The following OSBPL3 variants were observed in gnomAD, a reference collection of about 807,000 sequenced individuals.
The protein encoded by OSBPL3 is oxysterol-binding protein-related protein 3.
In OSBPL3, 65 loss-of-function variants were observed where a neutral mutation model predicts 120.1. That is an observed-to-expected ratio of 0.54 (90% CI 0.44 to 0.67). The LOEUF (loss-of-function observed/expected upper bound fraction) is 0.67. Ranked by LOEUF, OSBPL3 falls within the 30% of genes least tolerant of loss-of-function variation. OSBPL3 has a pLI of 0.00. For synonymous variants in OSBPL3, 416 were observed against 402.6 expected, an observed-to-expected ratio of 1.03 and a Z score of -0.40; for missense variants, 1,004 against 1,082.1, an observed-to-expected ratio of 0.93 and a Z score of 1.01.
chr7:24,849,126 G>C lies in OSBPL3; in HGVS notation c.1209C>G (p.Ala403=). 6.2e-7 allele frequency: 1 copy of C among 1,613,980 alleles called. No individual in the cohort carries two copies. The highest frequency in any genetic ancestry group is 8.5e-7 in the Non-Finnish European group (1 of 1,179,916). The stretch of plus-strand genomic sequence containing the variant: ...CGGGGGAGTCGAGGAGCAGAGACTC[G>C]GCATGGATTCTGCGTAAGCGTTCTT... ...DLKERLRRIH[A]ESLLLDSPAV... is the part of the protein sequence containing the mutation. Residue 403 remains alanine (A), a synonymous_variant, in exon 12 of 23, where the codon GCC becomes GCG. Transcript: ENST00000313367. The surrounding 1 kb of genome is among the most constrained non-coding windows in gnomAD (Gnocchi z 5.4).
intron 12 of OSBPL3, among the ~76,000 whole-genome samples, chr7:24,843,077 C>T (rs1273770783): frequency 1.3e-5 from 2 of 152,134 alleles, no homozygotes; most frequent in Non-Finnish European, 2.9e-5. Context: ...TTTCTTATCT[C>T]GCATGACCCT....
rs1321563669 is a variant in OSBPL3, at chr7:24,871,803, G to A, written c.214-8C>T. 1.9e-6 allele frequency: 3 copies of A among 1,607,266 alleles called. No homozygotes were observed. Among genetic ancestry groups the A allele is most frequent in the Non-Finnish European group, 8.5e-7 (1 of 1,174,104 alleles). ...GTCCAGATAGAAGAATCTCTGTGGG[G>A]AAGAAAGTATTATTAATTAAGGCAT... On this transcript the variant is annotated splice_region_variant and splice_polypyrimidine_tract_variant and intron_variant, in intron 3 of 22. Transcript: ENST00000313367. The surrounding 1 kb of genome is among the most constrained non-coding windows in gnomAD (Gnocchi z 4.8).
chr7:24,845,198 C>A (rs546123375), intron 12 of OSBPL3, among the ~76,000 whole-genome samples: 31 of 151,250 alleles, frequency 2.0e-4, no homozygotes, highest in African/African-American at 7.3e-4. Context: ...TACTGCATAC[C>A]ATAATTTAGA....
chr7:24,796,979 T>C lies in OSBPL3; in HGVS notation c.*3204A>G, dbSNP rs1791785089. The C allele has an allele frequency of 4.6e-5, 7 of 152,260 alleles. No individual in the cohort carries two copies. The highest frequency in any genetic ancestry group is 4.6e-4 in the Admixed American group (7 of 15,286). The allele number at this position is 152,260 out of a possible 1,614,324, so 9.4% of individuals were successfully genotyped here. A position where few individuals can be genotyped will look rare whatever the true frequency, so the allele number is the denominator to read the frequency against. ...AAAATAAAGACATTCAAACAAATTA[T>C]GCCAATACATTGGAACTATTATTCC... On this transcript the variant is annotated 3_prime_UTR_variant, in exon 23 of 23. Transcript: ENST00000313367. This position sits in a 1 kb window ranked among gnomAD's most constrained non-coding sequence, Gnocchi z 5.2.
intron 1 of OSBPL3, among the ~76,000 whole-genome samples, chr7:24,977,773 A>G (rs543478609): frequency 7.2e-5 from 11 of 152,268 alleles, no homozygotes; most frequent in African/African-American, 1.9e-4. Context: ...GGAGAATGGC[A>G]TGAACCCGGG....
chr7:24,894,000 A>ATC (rs1805753251), intron 1 of OSBPL3, among the ~76,000 whole-genome samples: 1 of 152,160 alleles, frequency 6.6e-6, no homozygotes, highest in South Asian at 2.1e-4. Context: ...ATATATATAT[A>ATC]TCTCCAACCC....
chr7:24,921,404 GA>G (rs1313818495), intron 1 of OSBPL3, among the ~76,000 whole-genome samples: 1 of 152,184 alleles, frequency 6.6e-6, no homozygotes, highest in Non-Finnish European at 1.5e-5. Flanking sequence ...CCCAACTTTT[GA>G]GGCTGAGTTC....
At chr7:24,880,616 T>C (rs2128308035) in intron 2 of OSBPL3, among the ~76,000 whole-genome samples, 1 of 152,334 alleles carries the variant, frequency 6.6e-6, no homozygotes, top group East Asian at 1.9e-4. Context: ...ATGGAATATT[T>C]AAGTCTCAGA....
chr7:24,819,293 A>C lies in OSBPL3; in HGVS notation c.1948+882T>G, dbSNP rs1794834904. 6.6e-6 allele frequency among the ~76,000 whole-genome samples: 1 copy of C among 152,122 alleles called. No individual in the cohort carries two copies. The highest frequency in any genetic ancestry group is 2.1e-4 in the South Asian group (1 of 4,822). ...AATCCAACTTTTGAAAAAACAAAGA[A>C]GAGGTGCTTATAGCATGAGTGAGAT... On this transcript the variant is annotated intron_variant, in intron 17 of 22. Transcript: ENST00000313367. The surrounding 1 kb of genome is among the most constrained non-coding windows in gnomAD (Gnocchi z 4.1).
At chr7:24,887,198 A>G (rs1804650313) in intron 2 of OSBPL3, among the ~76,000 whole-genome samples, 1 of 152,208 alleles carries the variant, frequency 6.6e-6, no homozygotes, top group Non-Finnish European at 1.5e-5. Flanking sequence ...AAGAACACTG[A>G]AGATCCACTT....
chr7:24,826,605 G>A (rs1002400873), intron 16 of OSBPL3, among the ~76,000 whole-genome samples: 3 of 152,070 alleles, frequency 2.0e-5, no homozygotes, highest in Admixed American at 1.3e-4. Flanking sequence ...GAGGGGCACC[G>A]GGAAGCTCAA....
rs1252523674 is a variant in OSBPL3, at chr7:24,946,225, C to G, written c.-150+33661G>C. On this transcript the variant is annotated intron_variant, in intron 1 of 22. Transcript: ENST00000313367. This position sits in a 1 kb window ranked among gnomAD's most constrained non-coding sequence, Gnocchi z 4.3. ...ATAGAATCTCAGAGTAGCCATACTT[C>G]TACTTGGCAGTTAGCATGGTCAGAG... 2.0e-5 allele frequency among the ~76,000 whole-genome samples: 3 copies of G among 152,158 alleles called. No homozygotes were observed. The highest frequency in any genetic ancestry group is 7.2e-5 in the African/African-American group (3 of 41,434).
Position 24,806,734 on chromosome 7 carries a change from G to T in OSBPL3, c.2444+42C>A, listed in dbSNP as rs926606273. The stretch of plus-strand genomic sequence containing the variant: ...TTGTTAATAAGACTTTTTGTAAAGG[G>T]TTTTACATCTCTGGAGAGAAAAATC... On this transcript the variant is annotated intron_variant, in intron 21 of 22. Transcript: ENST00000313367. The surrounding 1 kb of genome is among the most constrained non-coding windows in gnomAD (Gnocchi z 5.2). The T allele has an allele frequency of 3.4e-5, 54 of 1,596,748 alleles. No individual in the cohort carries two copies. Among genetic ancestry groups the T allele is most frequent in the Non-Finnish European group, 4.3e-5 (50 of 1,169,476 alleles).
chr7:24,919,667 C>G (rs1810149400), intron 1 of OSBPL3, among the ~76,000 whole-genome samples: 1 of 151,586 alleles, frequency 6.6e-6, no homozygotes. Context: ...ATAAATTGGA[C>G]TTCATCAAAA....
At position 24,930,605 on chromosome 7, in the gene OSBPL3, G is replaced by A. The variant is rs905238840; in HGVS notation, c.-149-37984C>T. Among the ~76,000 whole-genome samples the A allele has an allele frequency of 6.6e-6, 1 of 152,074 alleles. No homozygotes were observed. The highest frequency in any genetic ancestry group is 1.5e-5 in the Non-Finnish European group (1 of 67,992). On this transcript the variant is annotated intron_variant, in intron 1 of 22. Coordinates refer to ENST00000313367, the MANE Select transcript of OSBPL3 (RefSeq NM_015550.4). The surrounding 1 kb of genome is among the most constrained non-coding windows in gnomAD (Gnocchi z 4.4). ...GTACTTCAAAGGGCCTCTTACCTAAGGGGGAAATGAAGAATAAAGCCATCA... is the reference window on the plus strand; with the variant it reads ...GTACTTCAAAGGGCCTCTTACCTAAAGGGGAAATGAAGAATAAAGCCATCA...
intron 1 of OSBPL3, among the ~76,000 whole-genome samples, chr7:24,969,340 G>T (rs1225053930): frequency 6.6e-6 from 1 of 152,050 alleles, no homozygotes; most frequent in Non-Finnish European, 1.5e-5. Flanking sequence ...GGCCTTTCTC[G>T]TACTGATTTG....
intron 1 of OSBPL3, among the ~76,000 whole-genome samples, chr7:24,917,517 G>C (rs535889974): frequency 6.9e-6 from 1 of 145,698 alleles, no homozygotes; most frequent in Non-Finnish European, 1.5e-5. Context: ...CAATTTTTTT[G>C]TAACTCCTAA....
At chr7:24,901,979 A>G (rs1407175031) in intron 1 of OSBPL3, among the ~76,000 whole-genome samples, 1 of 152,252 alleles carries the variant, frequency 6.6e-6, no homozygotes, top group Admixed American at 6.5e-5. Context: ...CAGTAATAAT[A>G]AAGACTAAAA....
chr7:24,934,579 C>G (rs1417999850), intron 1 of OSBPL3, among the ~76,000 whole-genome samples: 1 of 152,150 alleles, frequency 6.6e-6, no homozygotes, highest in African/African-American at 2.4e-5. Flanking sequence ...AGCTGATCTT[C>G]TCAAAATCGG....
Sources: allele counts gnomAD v4.1 joint callset (sites outside exome capture counted in the v4.1 genomes callset), GRCh38; gene constraint gnomAD v4.1.1; non-coding constraint Gnocchi (gnomAD v3.1); transcripts MANE v1.5; gene names NCBI Gene and HGNC (gene_info 2026-07-23, HGNC 2026-07-21).